SCN8A: variants seen among roughly 807,000 people sequenced by gnomAD.
SCN8A encodes sodium channel protein type 8 subunit alpha.
A neutral mutation model predicts 184.1 loss-of-function variants in SCN8A; 30 were observed. That is an observed-to-expected ratio of 0.16 (90% CI 0.12 to 0.22). The LOEUF is 0.22. Ranked by LOEUF, SCN8A falls within the 10% of genes least tolerant of loss-of-function variation. SCN8A has a pLI of 1.00. For synonymous variants in SCN8A, 852 were observed against 907.0 expected (o/e 0.94, Z 1.09); for missense variants, 1,057 against 2,498.9 (o/e 0.42, Z 12.30).
At chr12:51,747,269 C>T (rs1347047134) in intron 13 of SCN8A, among the ~76,000 whole-genome samples, 1 of 152,192 alleles carries the variant, frequency 6.6e-6, no homozygotes, top group African/African-American at 2.4e-5. Flanking sequence ...AATGAATTAA[C>T]TGCTTTCATC....
chr12:51,695,855 C>G (rs1442536016), intron 6 of SCN8A, among the ~76,000 whole-genome samples: 2 of 152,200 alleles, frequency 1.3e-5, no homozygotes, highest in Admixed American at 6.5e-5. Context: ...ACCCAGACAT[C>G]TGCAACTACT....
At chr12:51,644,524 C>T (rs76179445) in intron 1 of SCN8A, among the ~76,000 whole-genome samples, 9,115 of 152,268 alleles carry the variant, frequency 0.06, 402 homozygotes, top group East Asian at 0.13. Flanking sequence ...GACGGAGTCT[C>T]GTTCACTCAG....
chr12:51,680,662 G>T (rs1036816368), intron 2 of SCN8A, among the ~76,000 whole-genome samples: 1 of 152,102 alleles, frequency 6.6e-6, no homozygotes, highest in African/African-American at 2.4e-5. Context: ...TTTCCATCAC[G>T]ACCAAACCAA....
intron 26 of SCN8A, 112 bp downstream of exon 26, chr12:51,794,753 C>A: frequency 9.5e-7 from 1 of 1,048,454 alleles, no homozygotes; most frequent in Non-Finnish European, 1.4e-6. Context: ...GGCAAGATAC[C>A]CTCATAGCTT....
chr12:51,791,832 C>T (rs1016064716), intron 25 of SCN8A, among the ~76,000 whole-genome samples: 8 of 152,092 alleles, frequency 5.3e-5, no homozygotes, highest in African/African-American at 7.2e-5. Flanking sequence ...GAGCCATGAC[C>T]GTGCCACTGT....
rs554759413 is a variant in SCN8A at position 51,593,770 on chromosome 12, A to G, written c.-55+2411A>G. On this transcript the variant is annotated intron_variant, in intron 1 of 26. Transcript: ENST00000627620. ...GGGTTTGTACTTGAGGTTGAGGCCTAGTTATCATATTTTATTACTCCCACA... is the reference window on the plus strand; with the variant it reads ...GGGTTTGTACTTGAGGTTGAGGCCTGGTTATCATATTTTATTACTCCCACA... Among the ~76,000 whole-genome samples the G allele has an allele frequency of 1.7e-4, 26 of 152,258 alleles. No individual in the cohort carries two copies. In the South Asian group the frequency reaches 4.6e-3, roughly 27 times the overall value.
At chr12:51,689,830 G>C (rs535626740) in intron 6 of SCN8A, 3 of 152,270 alleles carry the variant, frequency 2.0e-5, no homozygotes, top group South Asian at 4.1e-4. Context: ...AGAAGTTTGA[G>C]GGGGAAAAAC....
At position 51,811,144 on chromosome 12, in the gene SCN8A, A is replaced by G. The variant is rs904211045; in HGVS notation, c.*3715A>G. On this transcript the variant is annotated 3_prime_UTR_variant, in exon 27 of 27. Transcript: ENST00000627620. Reference sequence around the variant, plus strand: ...GGTGTGTTTGTTGCTTGACTATCCCAATTCTTGAGTCCTGGGAGGGGTCTG... The same window carrying G: ...GGTGTGTTTGTTGCTTGACTATCCCGATTCTTGAGTCCTGGGAGGGGTCTG... 6.6e-6 allele frequency: 1 copy of G among 152,128 alleles called. No individual in the cohort carries two copies. Among genetic ancestry groups the G allele is most frequent in the African/African-American group, 2.4e-5 (1 of 41,422 alleles). The allele number at this position is 152,128 out of a possible 1,614,324, so 9.4% of individuals were successfully genotyped here. A position where few individuals can be genotyped will look rare whatever the true frequency, so the allele number is the denominator to read the frequency against.
Position 51,807,148 on chromosome 12 carries a change from A to T in SCN8A, c.5662A>T (p.Thr1888Ser), listed in dbSNP as rs748964384. Residue 1888 changes from threonine to serine, a missense_variant, in exon 27 of 27, where the codon ACC (threonine) becomes TCC (serine). Around this residue, in one of 19 missense-constraint regions of SCN8A, gnomAD observed 95 missense variants for 140.2 expected, o/e 0.68. Transcript: ENST00000627620. The surrounding 1 kb of genome is among the most constrained non-coding windows in gnomAD (Gnocchi z 4.5). ...PSKVSYEPIT[T>S]TLRRKQEEVS... ...CAAAGTGTCTTACGAGCCAATCACA[A>T]CCACACTGCGTCGCAAGCAGGAGGA... is the stretch of plus-strand genomic sequence containing the variant. The T allele has an allele frequency of 5.0e-6, 8 of 1,613,824 alleles. No individual in the cohort carries two copies. The highest frequency in any genetic ancestry group is 6.8e-6 in the Non-Finnish European group (8 of 1,179,902).
chr12:51,659,838 A>T (rs1427333353), intron 1 of SCN8A, among the ~76,000 whole-genome samples: 1 of 152,178 alleles, frequency 6.6e-6, no homozygotes, highest in Non-Finnish European at 1.5e-5. Context: ...GAGATAACTG[A>T]GATTCCATGC....
At chr12:51,752,994 G>T (rs1942619198) in intron 14 of SCN8A, among the ~76,000 whole-genome samples, 1 of 152,074 alleles carries the variant, frequency 6.6e-6, no homozygotes, top group Non-Finnish European at 1.5e-5. Context: ...AAGGGATTTT[G>T]AGAGGCTTTT....
intron 12 of SCN8A, among the ~76,000 whole-genome samples, chr12:51,736,438 ACTC>A (rs764783351): frequency 1.3e-4 from 20 of 152,096 alleles, no homozygotes; most frequent in Non-Finnish European, 2.4e-4. Context: ...TCGAGGGTTA[ACTC>A]CTCCTGTAAA....
chr12:51,755,869 G>C (rs1942665603), intron 14 of SCN8A, among the ~76,000 whole-genome samples: 1 of 152,048 alleles, frequency 6.6e-6, no homozygotes, highest in Non-Finnish European at 1.5e-5. Context: ...CACTATCTTT[G>C]GTATACTTAT....
chr12:51,683,399 A>G (rs1393396774), intron 2 of SCN8A, among the ~76,000 whole-genome samples: 3 of 152,224 alleles, frequency 2.0e-5, no homozygotes, highest in African/African-American at 7.2e-5. Flanking sequence ...GAACATTCAT[A>G]CTGGGAAATA....
chr12:51,623,162 C>T (rs1939999629), intron 1 of SCN8A, among the ~76,000 whole-genome samples: 1 of 152,070 alleles, frequency 6.6e-6, no homozygotes, highest in South Asian at 2.1e-4. Context: ...AGCCCTAGTT[C>T]TTTTTATTGG....
intron 12 of SCN8A, among the ~76,000 whole-genome samples, chr12:51,734,506 G>A (rs999889607): frequency 3.9e-5 from 6 of 152,274 alleles, no homozygotes; most frequent in Admixed American, 3.3e-4. Flanking sequence ...GATCGCTCAT[G>A]CTATTGTTTG....
chr12:51,753,289 G>A (rs1231808520), intron 14 of SCN8A, among the ~76,000 whole-genome samples: 1 of 152,188 alleles, frequency 6.6e-6, no homozygotes, highest in Non-Finnish European at 1.5e-5. Context: ...TAGCAGTGGG[G>A]AGGGAGCTTA....
intron 11 of SCN8A, chr12:51,712,620 C>T: frequency 1.3e-6 from 1 of 777,838 alleles, no homozygotes; most frequent in Non-Finnish European, 2.3e-6. Flanking sequence ...TTATAGTTCC[C>T]ACCACCACCA....
Position 51,647,557 on chromosome 12 carries a change from C to T in SCN8A, c.-54-15207C>T, listed in dbSNP as rs1259950785. Reference sequence around the variant, plus strand: ...TGGTTGCAGACATTCACCAGGCTGACGAGGTCCCTGAGACCTGGTAGGAGG... The same window carrying T: ...TGGTTGCAGACATTCACCAGGCTGATGAGGTCCCTGAGACCTGGTAGGAGG... On this transcript the variant is annotated intron_variant, in intron 1 of 26. Coordinates refer to ENST00000627620, the MANE Select transcript of SCN8A (RefSeq NM_001330260.2). Among the ~76,000 whole-genome samples, 4 of 152,286 alleles carry T rather than the reference C, an allele frequency of 2.6e-5. No homozygotes were observed. In the South Asian group the frequency reaches 6.2e-4, roughly 24 times the overall value.
Sources: gnomAD v4.1 joint callset for allele counts (sites outside exome capture counted in the v4.1 genomes callset) on GRCh38, gnomAD v4.1.1 for gene constraint, gnomAD v4.1.1 regional missense constraint, Gnocchi (gnomAD v3.1) non-coding constraint, MANE v1.5 for transcripts, NCBI Gene and HGNC (gene_info 2026-07-23, HGNC 2026-07-21) for gene names.